The following BABAM2 variants were observed in gnomAD, a reference collection of about 807,000 sequenced individuals.
The protein encoded by BABAM2 is BRISC and BRCA1-A complex member 2.
In BABAM2, 31 loss-of-function variants were observed where a neutral mutation model predicts 54.7. The ratio of observed to expected loss-of-function variants is 0.57; its 90% CI spans 0.43 to 0.77. BABAM2 has a LOEUF of 0.77. Ranked by LOEUF, BABAM2 falls within the 30% of genes least tolerant of loss-of-function variation. The pLI is 0.00. For missense variants in BABAM2, 364 were observed against 455.8 expected (o/e 0.80, Z 1.83); for synonymous variants, 167 against 162.9 (o/e 1.03, Z -0.19).
At chr2:28,320,020 T>C (rs1689895162) in intron 11 of BABAM2, among the ~76,000 whole-genome samples, 1 of 152,018 alleles carries the variant, frequency 6.6e-6, no homozygotes, top group African/African-American at 2.4e-5. Context: ...AAGACTGTGA[T>C]GAACTCTGTG....
intron 10 of BABAM2, among the ~76,000 whole-genome samples, chr2:28,265,300 G>A (rs908509165): frequency 1.3e-5 from 2 of 152,130 alleles, no homozygotes; most frequent in African/African-American, 2.4e-5. Flanking sequence ...GGTGGCGCAC[G>A]CCTGTAATCC....
At chr2:28,053,940 A>G (rs1032276124) in intron 6 of BABAM2, among the ~76,000 whole-genome samples, 1 of 152,240 alleles carries the variant, frequency 6.6e-6, no homozygotes, top group Admixed American at 6.5e-5. Context: ...TGATCACTAT[A>G]CATTATGTGT....
chr2:28,163,463 G>A (rs568091743), intron 7 of BABAM2, among the ~76,000 whole-genome samples: 3 of 152,126 alleles, frequency 2.0e-5, no homozygotes, highest in Non-Finnish European at 4.4e-5. Flanking sequence ...TCTTGAGGCA[G>A]GTCACAGAAA....
At chr2:28,062,008 C>T (rs1678913924) in intron 6 of BABAM2, among the ~76,000 whole-genome samples, 1 of 152,134 alleles carries the variant, frequency 6.6e-6, no homozygotes, top group Non-Finnish European at 1.5e-5. Flanking sequence ...CCTGTAATCT[C>T]AGCACTTTGG....
intron 2 of BABAM2, among the ~76,000 whole-genome samples, chr2:27,895,493 G>A (rs1187339512): frequency 6.6e-6 from 1 of 152,140 alleles, no homozygotes; most frequent in African/African-American, 2.4e-5. Context: ...TAGTACAGAT[G>A]TGTTGTTGTA....
chr2:28,077,444 T>A (rs1226546115), intron 6 of BABAM2, among the ~76,000 whole-genome samples: 1 of 152,180 alleles, frequency 6.6e-6, no homozygotes, highest in African/African-American at 2.4e-5. Context: ...AGAGGTAGTG[T>A]ACAGAGGAGC....
chr2:28,223,734 C>T (rs1182553538), intron 7 of BABAM2, among the ~76,000 whole-genome samples: 1 of 152,202 alleles, frequency 6.6e-6, no homozygotes, highest in Non-Finnish European at 1.5e-5. Flanking sequence ...TCTTTAACTT[C>T]TGAGGATAGA....
At chr2:28,248,534 G>C (rs768294885) in intron 10 of BABAM2, among the ~76,000 whole-genome samples, 1 of 152,004 alleles carries the variant, frequency 6.6e-6, no homozygotes, top group African/African-American at 2.4e-5. Flanking sequence ...AGAATGCAGC[G>C]TGGCAAGAGA....
chr2:28,006,889 G>T (rs988197811), intron 4 of BABAM2, among the ~76,000 whole-genome samples: 1 of 151,964 alleles, frequency 6.6e-6, no homozygotes, highest in Non-Finnish European at 1.5e-5. Flanking sequence ...TCTGTATTGA[G>T]AATTGTGGGG....
intron 10 of BABAM2, among the ~76,000 whole-genome samples, chr2:28,277,217 T>G (rs1313964555): frequency 6.6e-6 from 1 of 152,190 alleles, no homozygotes; most frequent in Non-Finnish European, 1.5e-5. Context: ...GCGATTCTCC[T>G]GCCTCAGCTT....
chr2:28,245,540 A>G (rs1287189667), intron 10 of BABAM2, among the ~76,000 whole-genome samples: 1 of 152,210 alleles, frequency 6.6e-6, no homozygotes, highest in Non-Finnish European at 1.5e-5. Flanking sequence ...CTTGATAGAT[A>G]ATTTAGAGTC....
At chr2:27,978,687 C>A (rs549602148) in intron 3 of BABAM2, among the ~76,000 whole-genome samples, 1 of 152,062 alleles carries the variant, frequency 6.6e-6, no homozygotes. Flanking sequence ...AGGTTTGTTA[C>A]GTGGGTAAAT....
intron 7 of BABAM2, among the ~76,000 whole-genome samples, chr2:28,163,742 C>T (rs1448071063): frequency 6.6e-6 from 1 of 152,184 alleles, no homozygotes; most frequent in Non-Finnish European, 1.5e-5. Flanking sequence ...TGTGTAAGAT[C>T]GGCTGGGCTG....
intron 7 of BABAM2, among the ~76,000 whole-genome samples, chr2:28,181,247 GAATA>G (rs1675593968): frequency 6.6e-6 from 1 of 152,186 alleles, no homozygotes; most frequent in South Asian, 2.1e-4. Flanking sequence ...ATCAAAGGAT[GAATA>G]GATAGAGAAA....
At chr2:28,302,416 CAA>C (rs34808748) in intron 11 of BABAM2, among the ~76,000 whole-genome samples, 2,074 of 133,494 alleles carry the variant, frequency 0.016, 39 homozygotes, top group African/African-American at 0.048. Flanking sequence ...GACTCCATCT[CAA>C]AAAAAAAAAA....
intron 3 of BABAM2, among the ~76,000 whole-genome samples, chr2:27,952,569 T>C (rs905474815): frequency 2.0e-5 from 3 of 152,220 alleles, no homozygotes. Flanking sequence ...ATGTTTGTTT[T>C]GAACTATTCT....
intron 4 of BABAM2, chr2:28,013,505 AG>A: frequency 1.4e-5 from 6 of 421,676 alleles, no homozygotes; most frequent in South Asian, 1.0e-4. Flanking sequence ...TCAGCTACAA[AG>A]GTATTTGTGC....
At chr2:28,215,032 A>C (rs1388877439) in intron 7 of BABAM2, among the ~76,000 whole-genome samples, 1 of 152,198 alleles carries the variant, frequency 6.6e-6, no homozygotes. Flanking sequence ...TATACTGCTA[A>C]CTAGACTAGA....
At chr2:28,139,333 A>G (rs1215298860) in intron 7 of BABAM2, among the ~76,000 whole-genome samples, 1 of 148,684 alleles carries the variant, frequency 6.7e-6, no homozygotes, top group Non-Finnish European at 1.5e-5. Context: ...AAAAAAAAAA[A>G]AAAAAAAAAA....
Sources: gnomAD v4.1 joint callset for allele counts (sites outside exome capture counted in the v4.1 genomes callset) on GRCh38, gnomAD v4.1.1 for gene constraint, MANE v1.5 for transcripts, NCBI Gene and HGNC (gene_info 2026-07-23, HGNC 2026-07-21) for gene names.